Variants in DPP10 observed in about 807,000 individuals in gnomAD.
The protein encoded by DPP10 is inactive dipeptidyl peptidase 10.
DPP10 carries 33 observed loss-of-function variants against 120.9 expected under a neutral mutation model. That is an observed-to-expected ratio of 0.27 (90% CI 0.21 to 0.37). The LOEUF is 0.37. DPP10 is among the 10% of genes least tolerant of loss of function. The probability of loss-of-function intolerance (pLI) is 1.00; values close to 1 mark genes in which losing one functional copy is unlikely to be tolerated. For synonymous variants in DPP10, 337 were observed against 326.1 expected, an observed-to-expected ratio of 1.03 and a Z score of -0.36; for missense variants, 816 against 942.8, an observed-to-expected ratio of 0.87 and a Z score of 1.76.
chr2:115,578,847 G>A (rs181726374), intron 5 of DPP10, among the ~76,000 whole-genome samples: 25 of 152,232 alleles, frequency 1.6e-4, no homozygotes, highest in Admixed American at 1.6e-3. Flanking sequence ...CTAAAGCAGT[G>A]GCTTTCAAAC....
intron 7 of DPP10, among the ~76,000 whole-genome samples, chr2:115,702,442 T>A (rs1431811760): frequency 6.6e-6 from 1 of 152,032 alleles, no homozygotes; most frequent in African/African-American, 2.4e-5. Context: ...CACAAATGTC[T>A]GCCAACAAAT....
chr2:115,808,546 C>T (rs1686283338), intron 19 of DPP10, among the ~76,000 whole-genome samples: 1 of 152,176 alleles, frequency 6.6e-6, no homozygotes, highest in Admixed American at 6.5e-5. Context: ...TTAATCCCTG[C>T]CATAACTCTA....
chr2:114,792,025 A>G (rs1414336757), intron 1 of DPP10, among the ~76,000 whole-genome samples: 2 of 152,236 alleles, frequency 1.3e-5, no homozygotes, highest in Non-Finnish European at 2.9e-5. Flanking sequence ...AATGTTGGCA[A>G]AAGAAATTGA....
chr2:114,500,338 A>G (rs1363066694), intron 1 of DPP10, among the ~76,000 whole-genome samples: 1 of 152,240 alleles, frequency 6.6e-6, no homozygotes, highest in Non-Finnish European at 1.5e-5. Context: ...CATGTAATAC[A>G]CATTTACCCA....
intron 21 of DPP10, among the ~76,000 whole-genome samples, chr2:115,817,672 GT>G (rs1687397288): frequency 9.1e-6 from 1 of 109,346 alleles, no homozygotes; most frequent in Non-Finnish European, 2.2e-5. Flanking sequence ...GTAAAGGTTA[GT>G]TTTTTGTTTT....
At chr2:115,232,045 G>A (rs1400496810) in intron 1 of DPP10, among the ~76,000 whole-genome samples, 1 of 152,118 alleles carries the variant, frequency 6.6e-6, no homozygotes, top group Admixed American at 6.5e-5. Flanking sequence ...CATTCGTCTC[G>A]AATCAAGAGG....
At chr2:115,181,772 C>A (rs1018236265) in intron 1 of DPP10, among the ~76,000 whole-genome samples, 3 of 152,180 alleles carry the variant, frequency 2.0e-5, no homozygotes, top group African/African-American at 7.2e-5. Flanking sequence ...GCAGTCATCT[C>A]GGATCCACCA....
At chr2:115,710,346 T>C (rs1472253035) in intron 7 of DPP10, among the ~76,000 whole-genome samples, 1 of 152,162 alleles carries the variant, frequency 6.6e-6, no homozygotes, top group Non-Finnish European at 1.5e-5. Context: ...TGTATGTCTG[T>C]ATGTTGTGTG....
intron 1 of DPP10, among the ~76,000 whole-genome samples, chr2:115,017,202 T>C (rs1020960604): frequency 6.7e-6 from 1 of 149,294 alleles, no homozygotes; most frequent in African/African-American, 2.5e-5. Context: ...AAACTTCAAG[T>C]ATAATAATAA....
intron 1 of DPP10, among the ~76,000 whole-genome samples, chr2:115,006,905 C>G (rs1701889976): frequency 6.6e-6 from 1 of 152,030 alleles, no homozygotes; most frequent in Non-Finnish European, 1.5e-5. Context: ...CCCAAATCAA[C>G]AGAATATACA....
rs1472085125 is a variant in DPP10 at position 115,744,530 on chromosome 2, C to T, written c.853-1556C>T. 2.7e-5 allele frequency among the ~76,000 whole-genome samples: 4 copies of T among 150,300 alleles called. No individual in the cohort carries two copies. In the East Asian group the frequency reaches 7.7e-4, roughly 29 times the overall value. ...TGCGGGAGGCTCATAGCTTATCTTCCAGGAAGCCCTTTACTCTATGAACCA... is the reference window on the plus strand; with the variant it reads ...TGCGGGAGGCTCATAGCTTATCTTCTAGGAAGCCCTTTACTCTATGAACCA... On this transcript the variant is annotated intron_variant, in intron 9 of 25. Transcript: ENST00000410059.
At chr2:115,557,228 C>T (rs1025884387) in intron 5 of DPP10, among the ~76,000 whole-genome samples, 3 of 152,032 alleles carry the variant, frequency 2.0e-5, no homozygotes, top group South Asian at 2.1e-4. Flanking sequence ...AGAGTTCCTG[C>T]GGTACCACAT....
chr2:114,982,636 T>C (rs1700153660), intron 1 of DPP10, among the ~76,000 whole-genome samples: 1 of 152,056 alleles, frequency 6.6e-6, no homozygotes, highest in Non-Finnish European at 1.5e-5. Context: ...GGTGTCACTC[T>C]GTCACCCAGG....
chr2:114,621,098 T>C (rs1308740266), intron 1 of DPP10, among the ~76,000 whole-genome samples: 1 of 152,056 alleles, frequency 6.6e-6, no homozygotes, highest in Non-Finnish European at 1.5e-5. Context: ...TGTCTGATTT[T>C]TTTGCTCTCC....
chr2:115,701,771 A>G (rs918809447), intron 7 of DPP10, among the ~76,000 whole-genome samples: 2 of 152,060 alleles, frequency 1.3e-5, no homozygotes, highest in Non-Finnish European at 2.9e-5. Context: ...AACGTAATAA[A>G]AAGAAAGCAA....
At chr2:115,335,241 A>G (rs1425371074) in intron 2 of DPP10, among the ~76,000 whole-genome samples, 2 of 152,048 alleles carry the variant, frequency 1.3e-5, no homozygotes, top group Non-Finnish European at 2.9e-5. Flanking sequence ...TCTTCTCATG[A>G]CATGTGGGAA....
Position 115,434,461 on chromosome 2 carries a change from A to C in DPP10, c.272-65049A>C, listed in dbSNP as rs188186120. Among the ~76,000 whole-genome samples, 671 of 152,064 alleles carry C rather than the reference A, an allele frequency of 4.4e-3. 17 individuals carry two copies. The highest frequency in any genetic ancestry group is 2.4e-3 in the Non-Finnish European group (163 of 67,894). On this transcript the variant is annotated intron_variant, in intron 3 of 25. Coordinates refer to ENST00000410059, the MANE Select transcript of DPP10 (RefSeq NM_020868.6). Reference sequence around the variant, plus strand: ...CAGTGCAGGCAAAATAGGGTAACAGATGTAATAATAAATGCATGCACAGCA... The same window carrying C: ...CAGTGCAGGCAAAATAGGGTAACAGCTGTAATAATAAATGCATGCACAGCA...
chr2:115,800,591 C>T (rs565137626), intron 19 of DPP10, among the ~76,000 whole-genome samples: 26 of 152,116 alleles, frequency 1.7e-4, no homozygotes, highest in African/African-American at 5.8e-4. Context: ...AGTCTTTAAT[C>T]CATCTTGAAT....
intron 1 of DPP10, among the ~76,000 whole-genome samples, chr2:114,607,539 G>T (rs1692918898): frequency 1.3e-5 from 2 of 151,996 alleles, no homozygotes; most frequent in South Asian, 4.1e-4. Flanking sequence ...TCTTAATATT[G>T]CCCATTTTCT....
Sources: allele counts gnomAD v4.1 joint callset (sites outside exome capture counted in the v4.1 genomes callset), GRCh38; gene constraint gnomAD v4.1.1; transcripts MANE v1.5; gene names NCBI Gene and HGNC (gene_info 2026-07-23, HGNC 2026-07-21).